The following CFAP45 variants were observed in gnomAD, a reference collection of about 807,000 sequenced individuals.
The protein encoded by CFAP45 is cilia- and flagella-associated protein 45.
CFAP45 carries 43 observed loss-of-function variants against 75.6 expected under a neutral mutation model. That is an observed-to-expected ratio of 0.57 (90% CI 0.45 to 0.73). CFAP45 has a LOEUF of 0.73. Among genes scored for constraint, CFAP45 ranks in the 30% least tolerant of loss-of-function variants. CFAP45 has a pLI of 0.00. For synonymous variants in CFAP45, 223 were observed against 244.6 expected, an observed-to-expected ratio of 0.91 and a Z score of 0.82; for missense variants, 689 against 701.5, an observed-to-expected ratio of 0.98 and a Z score of 0.20.
At position 159,900,114 on chromosome 1, in the gene CFAP45, CCCTGA is replaced by C; in HGVS notation, c.-21_-17del. On this transcript the variant is annotated 5_prime_UTR_variant, in exon 1 of 12. Coordinates refer to ENST00000368099, the MANE Select transcript of CFAP45 (RefSeq NM_012337.3). The stretch of plus-strand genomic sequence containing the variant: ...CCCTCACCATCTCCTCAGCCACACG[CCCTGA>C]CTCCGGACTTCTGCTGCCGCCTCGG... The C allele has an allele frequency of 6.2e-7, 1 of 1,614,172 alleles. No homozygotes were observed. Among genetic ancestry groups the C allele is most frequent in the Non-Finnish European group, 8.5e-7 (1 of 1,180,014 alleles).
At chr1:159,876,442 C>A in intron 10 of CFAP45, 114 bp downstream of exon 10, 2 of 771,494 alleles carry the variant, frequency 2.6e-6, no homozygotes, top group Non-Finnish European at 4.4e-6. Flanking sequence ...CCCACCAACC[C>A]AGACAAGATC....
chr1:159,895,773 A>T (rs755680262), intron 1 of CFAP45, among the ~76,000 whole-genome samples: 2 of 152,242 alleles, frequency 1.3e-5, no homozygotes, highest in Non-Finnish European at 2.9e-5. Flanking sequence ...AGAGGAAATG[A>T]ATAGAAACTT....
At chr1:159,891,671 C>T (rs969757829) in intron 2 of CFAP45, among the ~76,000 whole-genome samples, 9 of 152,212 alleles carry the variant, frequency 5.9e-5, no homozygotes, top group African/African-American at 2.2e-4. Context: ...GATGGCCCCA[C>T]TTGTCCTACC....
chr1:159,898,236 T>C (rs902012319), intron 1 of CFAP45: 2 of 985,416 alleles, frequency 2.0e-6, no homozygotes, highest in Admixed American at 6.1e-5. Flanking sequence ...CACGCAATTA[T>C]CCTCTTTCTT....
intron 10 of CFAP45, among the ~76,000 whole-genome samples, chr1:159,875,383 AC>A (rs144229884): frequency 0.045 from 6,889 of 152,224 alleles, 236 homozygotes; most frequent in African/African-American, 0.097. Context: ...CCATGGCACA[AC>A]CCTGGGGGCA....
chr1:159,889,402 T>A (rs1282162497), intron 3 of CFAP45, among the ~76,000 whole-genome samples: 1 of 151,972 alleles, frequency 6.6e-6, no homozygotes, highest in Admixed American at 6.6e-5. Flanking sequence ...AACTAATGTG[T>A]GTGTGTTGGG....
chr1:159,887,583 G>T (rs1649718794), intron 5 of CFAP45, among the ~76,000 whole-genome samples: 1 of 152,232 alleles, frequency 6.6e-6, no homozygotes, highest in African/African-American at 2.4e-5. Flanking sequence ...CCACAAAGTA[G>T]TTTTACCACC....
chr1:159,875,381 C>T (rs1649375019), intron 10 of CFAP45, among the ~76,000 whole-genome samples: 1 of 151,134 alleles, frequency 6.6e-6, no homozygotes, highest in Non-Finnish European at 1.5e-5. Context: ...GACCATGGCA[C>T]AACCCTGGGG....
rs1275398567 is a variant in CFAP45 at position 159,876,076 on chromosome 1, A to ATTAAG, written c.1352+479_1352+480insCTTAA. Among the ~76,000 whole-genome samples, 138 of 152,344 alleles carry ATTAAG rather than the reference A, an allele frequency of 9.1e-4. 2 individuals carry two copies. The South Asian group carries it at 0.028, about 30-fold the overall frequency. On this transcript the variant is annotated intron_variant, in intron 10 of 11. Coordinates refer to ENST00000368099, the MANE Select transcript of CFAP45 (RefSeq NM_012337.3). ...GCTAATGTCCTCCATGGCATCCAGCACAGAGCCCTGCATTTCTGTGCTTAA... is the reference window on the plus strand; with the variant it reads ...GCTAATGTCCTCCATGGCATCCAGCATTAAGCAGAGCCCTGCATTTCTGTGCTTAA...
At position 159,900,099 on chromosome 1, in the gene CFAP45, C is replaced by T. The variant is rs758495448; in HGVS notation, c.-1G>A. The T allele has an allele frequency of 6.2e-7, 1 of 1,614,192 alleles. No individual in the cohort carries two copies. The stretch of plus-strand genomic sequence containing the variant: ...CCCATCTGAGGTTCTCCCTCACCAT[C>T]TCCTCAGCCACACGCCCTGACTCCG... On this transcript the variant is annotated 5_prime_UTR_variant, in exon 1 of 12. Coordinates refer to ENST00000368099, the MANE Select transcript of CFAP45 (RefSeq NM_012337.3).
At chr1:159,880,762 C>T in intron 7 of CFAP45, 62 bp from the exon 8 acceptor site, 1 of 1,540,210 alleles carries the variant, frequency 6.5e-7, no homozygotes, top group Admixed American at 1.7e-5. Flanking sequence ...CCACTGGCAT[C>T]CAGGGATAGA....
chr1:159,898,476 C>T (rs950844172), intron 1 of CFAP45, among the ~76,000 whole-genome samples: 8 of 152,340 alleles, frequency 5.3e-5, no homozygotes, highest in African/African-American at 1.9e-4. Context: ...CACAGCTGGC[C>T]TGCCAGAGAT....
chr1:159,872,652 C>G (rs543972919), intron 11 of CFAP45, 89 bp from the exon 12 acceptor site: 1 of 1,145,048 alleles, frequency 8.7e-7, no homozygotes, highest in Non-Finnish European at 1.3e-6. Flanking sequence ...GTTTACAGAA[C>G]CTGGGGGCCT....
chr1:159,877,740 G>A (rs1251948901), intron 8 of CFAP45, among the ~76,000 whole-genome samples: 1 of 152,110 alleles, frequency 6.6e-6, no homozygotes, highest in African/African-American at 2.4e-5. Flanking sequence ...AGCCAGGCAT[G>A]GTGGCATGTG....
chr1:159,873,260 G>T, intron 10 of CFAP45, 92 bp from the exon 11 acceptor site: 1 of 1,003,046 alleles, frequency 1.0e-6, no homozygotes. Flanking sequence ...GGCTCCTTCA[G>T]TAGACATGCC....
chr1:159,890,755 T>TTA, intron 2 of CFAP45, 133 bp from the exon 3 acceptor site: 62 of 588,072 alleles, frequency 1.1e-4, no homozygotes, highest in Admixed American at 1.4e-4. Context: ...AGCTTTTCTT[T>TTA]TCTTTTTTTT....
rs1322785631 is a variant in CFAP45 at position 159,876,709 on chromosome 1, C to CT, written c.1198dup (p.Arg400LysfsTer20). The CT allele has an allele frequency of 6.2e-7, 1 of 1,614,094 alleles. No homozygotes were observed. The highest frequency in any genetic ancestry group is 8.5e-7 in the Non-Finnish European group (1 of 1,180,042). ...TTCCTTTTCCTTTCTGCGCCACTCT[C>CT]TGTCTGCAACCTCCTGGTTGCGCTT... On this transcript the variant is annotated frameshift_variant, in exon 10 of 12. Coordinates refer to ENST00000368099, the MANE Select transcript of CFAP45 (RefSeq NM_012337.3). LOFTEE classifies it high-confidence loss of function.
intron 1 of CFAP45, among the ~76,000 whole-genome samples, chr1:159,899,702 C>A (rs537549301): frequency 8.2e-4 from 124 of 151,882 alleles, no homozygotes; most frequent in African/African-American, 2.9e-3. Flanking sequence ...CTCCTGACCT[C>A]ATGATCCGCC....
chr1:159,888,019 A>C lies in CFAP45; in HGVS notation c.418-8T>G, dbSNP rs761608256. The C allele has an allele frequency of 6.2e-6, 10 of 1,612,536 alleles. No individual in the cohort carries two copies. Among genetic ancestry groups the C allele is most frequent in the Non-Finnish European group, 8.5e-6 (10 of 1,178,826 alleles). ...TCGTGTCATCACTGCATCCTAAGGG[A>C]GACCAGTCTGGCTCAGTGGGAGATT... On this transcript the variant is annotated splice_region_variant and splice_polypyrimidine_tract_variant and intron_variant, in intron 4 of 11. Transcript: ENST00000368099.
Sources: gnomAD v4.1 joint callset for allele counts (sites outside exome capture counted in the v4.1 genomes callset) on GRCh38, gnomAD v4.1.1 for gene constraint, MANE v1.5 for transcripts, NCBI Gene and HGNC (gene_info 2026-07-23, HGNC 2026-07-21) for gene names.